CNTNAP4: variants seen among roughly 807,000 people sequenced by gnomAD.
CNTNAP4 encodes contactin associated protein family member 4.
In CNTNAP4, 98 loss-of-function variants were observed where a neutral mutation model predicts 148.4. The observed-to-expected ratio is 0.66, with a 90% confidence interval of 0.56 to 0.78. CNTNAP4 has a LOEUF of 0.78. Among genes scored for constraint, CNTNAP4 ranks in the 30% least tolerant of loss-of-function variants. CNTNAP4 has a pLI of 0.00. For synonymous variants in CNTNAP4, 730 were observed against 565.1 expected, an observed-to-expected ratio of 1.29 and a Z score of -4.14; for missense variants, 1,935 against 1,565.6, an observed-to-expected ratio of 1.24 and a Z score of -3.98.
chr16:76,541,214 A>G (rs1431650693), intron 21 of CNTNAP4, among the ~76,000 whole-genome samples: 2 of 152,352 alleles, frequency 1.3e-5, no homozygotes, highest in South Asian at 4.1e-4. Context: ...TAGTTAGTTA[A>G]TATGTTTCAG....
In CNTNAP4 at chr16:76,492,644, C is replaced by T. The variant is rs1417700759; in HGVS notation, c.2081-2266C>T. On this transcript the variant is annotated intron_variant, in intron 13 of 23. Coordinates refer to ENST00000611870, the MANE Select transcript of CNTNAP4 (RefSeq NM_033401.5). ...GATAATTGAATCATGGGGGCAGTTT[C>T]CTCCATACTGTTCTCATGGCAGTGA... Among the ~76,000 whole-genome samples the T allele has an allele frequency of 2.6e-5, 4 of 152,106 alleles. No homozygotes were observed. The East Asian group carries it at 7.7e-4, about 29-fold the overall frequency.
intron 3 of CNTNAP4, among the ~76,000 whole-genome samples, chr16:76,412,624 T>C (rs2078837945): frequency 6.6e-6 from 1 of 151,368 alleles, no homozygotes; most frequent in Non-Finnish European, 1.5e-5. Context: ...GTCCAATGTC[T>C]AATAAGATTA....
chr16:76,430,121 T>C lies in CNTNAP4; in HGVS notation c.538+2522T>C, dbSNP rs544331129. On this transcript the variant is annotated intron_variant, in intron 4 of 23. Transcript: ENST00000611870. ...TTACACCATAGTCATGCTCACATTT[T>C]CCACCTGTTCATAGCATTGGCATTG... Among the ~76,000 whole-genome samples, 3 of 152,346 alleles carry C rather than the reference T, an allele frequency of 2.0e-5. No homozygotes were observed. In the South Asian group the frequency reaches 6.2e-4, roughly 32 times the overall value.
chr16:76,537,289 A>G (rs2084252441), intron 18 of CNTNAP4, among the ~76,000 whole-genome samples: 1 of 152,196 alleles, frequency 6.6e-6, no homozygotes. Flanking sequence ...TAAGATGTCA[A>G]GGGAGCCTAA....
intron 2 of CNTNAP4, among the ~76,000 whole-genome samples, chr16:76,326,550 A>C (rs866247894): frequency 1.3e-5 from 2 of 152,208 alleles, no homozygotes; most frequent in Admixed American, 6.5e-5. Flanking sequence ...AACCAATCCA[A>C]ATGTCCAACA....
chr16:76,412,101 AAAACACCC>A (rs1041467560), intron 3 of CNTNAP4, among the ~76,000 whole-genome samples: 36 of 151,612 alleles, frequency 2.4e-4, no homozygotes, highest in African/African-American at 8.7e-4. Flanking sequence ...ATGCTTATGA[AAAACACCC>A]ATGTTGTGTC....
chr16:76,359,677 A>G (rs2013163450), intron 3 of CNTNAP4, among the ~76,000 whole-genome samples: 1 of 152,234 alleles, frequency 6.6e-6, no homozygotes, highest in Non-Finnish European at 1.5e-5. Context: ...CATAAAATAT[A>G]ATTTATACAA....
Position 76,476,149 on chromosome 16 carries a change from C to T in CNTNAP4, c.1762+104C>T, listed in dbSNP as rs74025018. On this transcript the variant is annotated intron_variant, in intron 11 of 23. Transcript: ENST00000611870. Reference sequence around the variant, plus strand: ...ATATGTCTGTTCTGTGCAAACTCAGCATCCAGTGGTTAATCCACATCTCAT... The same window carrying T: ...ATATGTCTGTTCTGTGCAAACTCAGTATCCAGTGGTTAATCCACATCTCAT... The T allele has an allele frequency of 1.2e-3, 870 of 711,820 alleles. 1 individual carries two copies. The African/African-American group carries it at 0.014, about 12-fold the overall frequency. 44.1% of individuals were successfully genotyped at this position (711,820 alleles called of 1,614,324 possible).
chr16:76,279,646 A>G (rs1351303219), intron 1 of CNTNAP4, among the ~76,000 whole-genome samples: 1 of 152,182 alleles, frequency 6.6e-6, no homozygotes, highest in Non-Finnish European at 1.5e-5. Context: ...ATTTTTCATT[A>G]TAAAAAACAT....
chr16:76,348,507 T>G (rs963000583), intron 2 of CNTNAP4, among the ~76,000 whole-genome samples: 1 of 151,994 alleles, frequency 6.6e-6, no homozygotes, highest in African/African-American at 2.4e-5. Context: ...TAAAAGATCA[T>G]GTGAGATAAA....
In CNTNAP4 at chr16:76,449,089, C is replaced by G. The variant is rs2080359109; in HGVS notation, c.927+138C>G. The G allele has an allele frequency of 1.2e-5, 9 of 751,838 alleles. No individual in the cohort carries two copies. In the South Asian group the frequency reaches 1.6e-4, roughly 13 times the overall value. 46.6% of individuals were successfully genotyped at this position (751,838 alleles called of 1,614,324 possible). ...TGAAGCATTTCCCAAGGCAGTCTAA[C>G]TCACAGTGGCAGCTTTCGGTGTATA... On this transcript the variant is annotated intron_variant, in intron 6 of 23. Transcript: ENST00000611870.
rs139419491 is a variant in CNTNAP4 at position 76,467,496 on chromosome 16, A to G, written c.1628A>G (p.Gln543Arg). The G allele has an allele frequency of 2.2e-4, 359 of 1,613,428 alleles. 1 individual carries two copies. In the African/African-American group the frequency reaches 4.3e-3, roughly 19 times the overall value. Reference protein sequence around the residue: ...QGSLGNFSDLQIDSCGISDRC... With the variant: ...QGSLGNFSDLRIDSCGISDRC... ...TCCCTTGGGAACTTCAGTGACCTTC[A>G]GATAGACTCATGTGGCATCTCAGAC... Residue 543 changes from glutamine to arginine, a missense_variant, in exon 10 of 24, where the codon CAG (glutamine) becomes CGG (arginine). Physicochemically the swap from Gln to Arg is conservative, Grantham distance 43. Coordinates refer to ENST00000611870, the MANE Select transcript of CNTNAP4 (RefSeq NM_033401.5).
At chr16:76,481,453 G>A (rs1339268092) in intron 12 of CNTNAP4, among the ~76,000 whole-genome samples, 2 of 152,186 alleles carry the variant, frequency 1.3e-5, no homozygotes, top group Non-Finnish European at 2.9e-5. Flanking sequence ...GCCAGGGCGG[G>A]GGCATAATTT....
At chr16:76,453,159 C>G (rs2080583049) in intron 8 of CNTNAP4, among the ~76,000 whole-genome samples, 1 of 152,162 alleles carries the variant, frequency 6.6e-6, no homozygotes, top group African/African-American at 2.4e-5. Flanking sequence ...TTAGTCTTAT[C>G]TGGTCTGTGA....
intron 3 of CNTNAP4, among the ~76,000 whole-genome samples, chr16:76,397,251 G>T (rs563949258): frequency 6.6e-6 from 1 of 152,120 alleles, no homozygotes; most frequent in Admixed American, 6.5e-5. Context: ...TGGGGTGGGG[G>T]TTGGTTGGTA....
chr16:76,503,879 A>T (rs933791159), intron 15 of CNTNAP4, among the ~76,000 whole-genome samples: 13 of 152,120 alleles, frequency 8.5e-5, no homozygotes, highest in Non-Finnish European at 1.6e-4. Context: ...ATGATATTTT[A>T]AAAGTACCAT....
At chr16:76,405,455 A>G in intron 3 of CNTNAP4, among the ~76,000 whole-genome samples, 1 of 152,224 alleles carries the variant, frequency 6.6e-6, no homozygotes, top group East Asian at 1.9e-4. Flanking sequence ...TACCCCAAAA[A>G]GGTAACTGCT....
chr16:76,521,690 G>A (rs1418050949), intron 16 of CNTNAP4, among the ~76,000 whole-genome samples: 1 of 152,114 alleles, frequency 6.6e-6, no homozygotes, highest in East Asian at 1.9e-4. Flanking sequence ...TAAACTTTGA[G>A]TTACTGTAAC....
intron 4 of CNTNAP4, among the ~76,000 whole-genome samples, chr16:76,438,670 T>C (rs1258066783): frequency 6.6e-6 from 1 of 152,058 alleles, no homozygotes; most frequent in East Asian, 1.9e-4. Context: ...GCCAGTGCCA[T>C]CCAGCTCGCC....
Sources: gnomAD v4.1 joint callset for allele counts (sites outside exome capture counted in the v4.1 genomes callset) on GRCh38, gnomAD v4.1.1 for gene constraint, MANE v1.5 for transcripts, NCBI Gene and HGNC (gene_info 2026-07-23, HGNC 2026-07-21) for gene names.